ATAD2: variants seen among roughly 807,000 people sequenced by gnomAD.
ATAD2 encodes ATPase family AAA domain-containing protein 2.
In ATAD2, 62 loss-of-function variants were observed where a neutral mutation model predicts 168.9. That is an observed-to-expected ratio of 0.37 (90% CI 0.30 to 0.45). ATAD2 has a LOEUF of 0.45. ATAD2 is among the 20% of genes least tolerant of loss of function. The probability of loss-of-function intolerance (pLI) is 1.00; values close to 1 mark genes in which losing one functional copy is unlikely to be tolerated. For missense variants in ATAD2, 1,419 were observed against 1,667.8 expected (o/e 0.85, Z 2.60); for synonymous variants, 613 against 571.6 (o/e 1.07, Z -1.03).
At chr8:123,414,963 T>G (rs1018839952) in intron 1 of ATAD2, among the ~76,000 whole-genome samples, 2 of 152,182 alleles carry the variant, frequency 1.3e-5, no homozygotes, top group East Asian at 1.9e-4. Context: ...CTTGTTTTTT[T>G]TTGTTGTTTT....
chr8:123,336,404 G>A lies in ATAD2; in HGVS notation c.3180C>T (p.Ala1060=). 1 of 1,579,706 alleles carries A rather than the reference G, an allele frequency of 6.3e-7. No homozygotes were observed. The highest frequency in any genetic ancestry group is 1.2e-5 in the South Asian group (1 of 84,024). ...GATCTCTATCTGGATTGTATTCTAA[G>A]GCATTACTACAGATTAGATCAATAT... ...LRDIDLICSN[A]LEYNPDRDPG... Residue 1060 remains alanine, a synonymous_variant, in exon 22 of 28, where the codon GCC becomes GCT. Transcript: ENST00000287394.
intron 1 of ATAD2, among the ~76,000 whole-genome samples, chr8:123,413,738 A>G (rs771565533): frequency 4.6e-5 from 7 of 152,182 alleles, no homozygotes; most frequent in Non-Finnish European, 1.0e-4. Context: ...GTGACAAAAC[A>G]GGAAAAAAAG....
intron 5 of ATAD2, 57 bp from the exon 6 acceptor site, chr8:123,371,047 A>G: frequency 7.4e-7 from 1 of 1,345,584 alleles, no homozygotes; most frequent in Non-Finnish European, 1.0e-6. Context: ...TAAAAAAATT[A>G]AGTTGGATCC....
At position 123,369,975 on chromosome 8, in the gene ATAD2, A is replaced by C. The variant is rs1242122825; in HGVS notation, c.777T>G (p.Asp259Glu). Reference sequence around the variant, plus strand: ...CATCATCATCATCTTCATCATCTTCATCTTCACCATCATCTTCATGTTCTT... The same window carrying C: ...CATCATCATCATCTTCATCATCTTCCTCTTCACCATCATCTTCATGTTCTT... ...EDQEHEDDGE[D>E]EDDEDDDDDD... The change falls in exon 7 of 28, where the codon GAT (aspartate) becomes GAG (glutamate). Residue 259 changes from aspartate (D) to glutamate (E), a missense_variant. Coordinates refer to ENST00000287394, the MANE Select transcript of ATAD2 (RefSeq NM_014109.4). The C allele has an allele frequency of 3.8e-6, 6 of 1,583,394 alleles. No individual in the cohort carries two copies. The highest frequency in any genetic ancestry group is 5.2e-6 in the Non-Finnish European group (6 of 1,154,818).
chr8:123,331,786 C>T (rs1311236441), intron 24 of ATAD2, among the ~76,000 whole-genome samples: 1 of 152,056 alleles, frequency 6.6e-6, no homozygotes, highest in Non-Finnish European at 1.5e-5. Flanking sequence ...ACTTGAGAAC[C>T]GCAAATCACT....
In ATAD2 at chr8:123,369,175, T is replaced by C. The variant is rs1419654849; in HGVS notation, c.932A>G (p.Lys311Arg). ...ATVYYQAPLE[K>R]PRHQRKPNIF... The stretch of plus-strand genomic sequence containing the variant: ...GTTGGGCTTTCTCTGGTGACGAGGT[T>C]CTAAAAAAAAGAAATATATATATAT... Residue 311 changes from lysine to arginine, a missense_variant and splice_region_variant, in exon 8 of 28, where the codon AAA becomes AGA. By Grantham distance (26) the Lys-to-Arg change is conservative. Around this residue, in one of 5 missense-constraint regions of ATAD2, gnomAD observed 419 missense variants for 423.5 expected, o/e 0.99. Transcript: ENST00000287394. The C allele has an allele frequency of 7.0e-7, 1 of 1,428,882 alleles. No homozygotes were observed. The highest frequency in any genetic ancestry group is 1.5e-5 in the South Asian group (1 of 67,852). The allele number at this position is 1,428,882 out of a possible 1,614,324, so 88.5% of individuals were successfully genotyped here.
intron 2 of ATAD2, among the ~76,000 whole-genome samples, chr8:123,374,306 T>C (rs1396115762): frequency 7.2e-5 from 11 of 152,288 alleles, no homozygotes; most frequent in South Asian, 4.1e-4. Context: ...TGAGCCAAGA[T>C]TGCACCACTA....
At chr8:123,405,687 T>G (rs1284173817) in intron 1 of ATAD2, among the ~76,000 whole-genome samples, 1 of 152,256 alleles carries the variant, frequency 6.6e-6, no homozygotes, top group Non-Finnish European at 1.5e-5. Context: ...CTGTGCTTCT[T>G]TATCTAGGTC....
chr8:123,371,597 G>T, intron 4 of ATAD2, 73 bp downstream of exon 4: 1 of 1,373,660 alleles, frequency 7.3e-7, no homozygotes, highest in Non-Finnish European at 9.9e-7. Context: ...TGGGCTGGTT[G>T]AAATCCATGA....
intron 19 of ATAD2, among the ~76,000 whole-genome samples, chr8:123,340,739 A>G (rs1828037377): frequency 6.6e-6 from 1 of 152,236 alleles, no homozygotes; most frequent in Non-Finnish European, 1.5e-5. Context: ...TGAGGTACCT[A>G]GAATAAATAA....
At chr8:123,363,207 C>CA (rs1276783434) in intron 8 of ATAD2, among the ~76,000 whole-genome samples, 1 of 152,118 alleles carries the variant, frequency 6.6e-6, no homozygotes, top group South Asian at 2.1e-4. Context: ...AAACGTGTAT[C>CA]AAAAAAACTC....
At chr8:123,409,957 A>G (rs926616760) in intron 1 of ATAD2, among the ~76,000 whole-genome samples, 2 of 150,332 alleles carry the variant, frequency 1.3e-5, no homozygotes, top group African/African-American at 4.9e-5. Flanking sequence ...AAAAAAAAAA[A>G]GCATTAAAAG....
At chr8:123,387,247 A>T (rs74982668) in intron 1 of ATAD2, among the ~76,000 whole-genome samples, 2,398 of 152,240 alleles carry the variant, frequency 0.016, 78 homozygotes, top group African/African-American at 0.055. Context: ...TTAATGAATG[A>T]ATAGTATTTC....
At chr8:123,355,808 T>A (rs1335272422) in intron 13 of ATAD2, among the ~76,000 whole-genome samples, 1 of 152,202 alleles carries the variant, frequency 6.6e-6, no homozygotes, top group African/African-American at 2.4e-5. Context: ...AGCCCTCCTC[T>A]TACTAGTGGC....
intron 21 of ATAD2, among the ~76,000 whole-genome samples, chr8:123,337,363 CAAA>C (rs537282135): frequency 1.4e-5 from 2 of 139,364 alleles, no homozygotes; most frequent in African/African-American, 2.6e-5. Flanking sequence ...AACTCCGTTT[CAAA>C]AAAAAAAAAT....
At chr8:123,329,981 C>CTTTTTTTTTTTTTTTTTTTTTTTTTTTT (rs71310666) in intron 24 of ATAD2, among the ~76,000 whole-genome samples, 1 of 100,342 alleles carries the variant, frequency 1.0e-5, no homozygotes, top group African/African-American at 3.6e-5. Context: ...CCAGTGGCTT[C>CTTTTTTTTTTTTTTTTTTTTTTTTTTTT]TTTTTTTTTT....
intron 19 of ATAD2, among the ~76,000 whole-genome samples, chr8:123,342,227 A>T (rs1828085793): frequency 6.6e-6 from 1 of 152,246 alleles, no homozygotes; most frequent in South Asian, 2.1e-4. Flanking sequence ...AAAGTGAGTA[A>T]GAAATAAACT....
chr8:123,412,286 ATTTC>A (rs1030420026), intron 1 of ATAD2, among the ~76,000 whole-genome samples: 2 of 152,130 alleles, frequency 1.3e-5, no homozygotes, highest in Non-Finnish European at 2.9e-5. Flanking sequence ...ATATTTTTGG[ATTTC>A]TTTGTTACAG....
chr8:123,331,429 G>A (rs1400865078), intron 24 of ATAD2, among the ~76,000 whole-genome samples: 2 of 151,798 alleles, frequency 1.3e-5, no homozygotes, highest in East Asian at 1.9e-4. Context: ...TAGTAGAGAC[G>A]GGGTTTCACT....
Sources: allele counts gnomAD v4.1 joint callset (sites outside exome capture counted in the v4.1 genomes callset), GRCh38; gene constraint gnomAD v4.1.1; regional missense constraint gnomAD v4.1.1; transcripts MANE v1.5; gene names NCBI Gene and HGNC (gene_info 2026-07-23, HGNC 2026-07-21).